Variants in FHAD1 observed in about 807,000 individuals in gnomAD.
FHAD1 encodes the protein forkhead-associated domain-containing protein 1.
A neutral mutation model predicts 191.3 loss-of-function variants in FHAD1; 146 were observed. That is an observed-to-expected ratio of 0.76 (90% confidence interval 0.67 to 0.88). The LOEUF (loss-of-function observed/expected upper bound fraction) is 0.88. Ranked by LOEUF, FHAD1 falls within the 40% of genes least tolerant of loss-of-function variation. The pLI is 0.00. For missense variants in FHAD1, 1,635 were observed against 1,785.8 expected, an observed-to-expected ratio of 0.92 and a Z score of 1.52; for synonymous variants, 616 against 672.3, an observed-to-expected ratio of 0.92 and a Z score of 1.29.
rs1484472582 is a variant in FHAD1 at position 15,289,729 on chromosome 1, G to C, written c.568+63G>C. ...TTCACGGCCATGTGGATGGGTCTTG[G>C]TTTTGGTTTACTTTCTGATTCTAAA... is the stretch of plus-strand genomic sequence containing the variant. On this transcript the variant is annotated intron_variant, in intron 4 of 33. Coordinates refer to ENST00000688493, the MANE Select transcript of FHAD1 (RefSeq NM_001391957.1). This position sits in a 1 kb window ranked among gnomAD's most constrained non-coding sequence, Gnocchi z 4.2. The C allele has an allele frequency of 6.8e-7, 1 of 1,476,230 alleles. No homozygotes were observed. Among genetic ancestry groups the C allele is most frequent in the African/African-American group, 1.4e-5 (1 of 71,016 alleles). 91.4% of individuals were successfully genotyped at this position (1,476,230 alleles called of 1,614,324 possible). A position where few individuals can be genotyped will look rare whatever the true frequency, so the allele number is the denominator to read the frequency against.
intron 16 of FHAD1, 82 bp downstream of exon 16, chr1:15,341,970 A>G (rs1465258960): frequency 7.9e-7 from 1 of 1,258,600 alleles, no homozygotes; most frequent in African/African-American, 1.5e-5. Context: ...GCATGTACTT[A>G]GACAGAGAAA....
chr1:15,392,682 T>C (rs1243121822), intron 33 of FHAD1, among the ~76,000 whole-genome samples: 1 of 152,182 alleles, frequency 6.6e-6, no homozygotes, highest in East Asian at 1.9e-4. Context: ...CAGGCTTGCT[T>C]GCTCATAAAA....
chr1:15,249,402 A>G (rs1391231042), intron 1 of FHAD1, among the ~76,000 whole-genome samples: 1 of 152,060 alleles, frequency 6.6e-6, no homozygotes, highest in Admixed American at 6.5e-5. Context: ...GATTACTTTT[A>G]CTTTAGTTTG....
chr1:15,292,914 A>AC (rs1665390031), intron 4 of FHAD1, among the ~76,000 whole-genome samples: 1 of 152,164 alleles, frequency 6.6e-6, no homozygotes, highest in African/African-American at 2.4e-5. Flanking sequence ...ACACAGCAAG[A>AC]CCCCATCTCT....
intron 25 of FHAD1, among the ~76,000 whole-genome samples, chr1:15,367,944 C>T (rs1696983078): frequency 1.3e-5 from 2 of 152,112 alleles, no homozygotes; most frequent in South Asian, 4.1e-4. Context: ...AGCAAGGCTA[C>T]CTTTGCCTGT....
rs187148325 is a variant in FHAD1, at chr1:15,388,157, G to A, written c.4269+26G>A. 96 of 1,261,240 alleles carry A rather than the reference G, an allele frequency of 7.6e-5. No homozygotes were observed. The Middle Eastern group carries it at 1.2e-3, about 15-fold the overall frequency. The allele number at this position is 1,261,240 out of a possible 1,614,324, so 78.1% of individuals were successfully genotyped here. A position where few individuals can be genotyped will look rare whatever the true frequency, so the allele number is the denominator to read the frequency against. ...GTATGGGAGGTGTTCTGATGTTGCA[G>A]ACACAGAGTAGAGACAGTCTCAACT... On this transcript the variant is annotated intron_variant, in intron 32 of 33. Coordinates refer to ENST00000688493, the MANE Select transcript of FHAD1 (RefSeq NM_001391957.1).
At chr1:15,263,683 A>G (rs10927752) in intron 2 of FHAD1, among the ~76,000 whole-genome samples, 92,621 of 151,692 alleles carry the variant, frequency 0.61, 28,950 homozygotes, top group East Asian at 0.83. Context: ...CACCACGCCC[A>G]ACTAATTTTT....
At chr1:15,341,973 C>T (rs1686887050) in intron 16 of FHAD1, 85 bp downstream of exon 16, 3 of 1,218,210 alleles carry the variant, frequency 2.5e-6, no homozygotes, top group African/African-American at 1.5e-5. Flanking sequence ...TGTACTTAGA[C>T]AGAGAAATCT....
At chr1:15,271,788 G>A (rs1359940954) in intron 2 of FHAD1, among the ~76,000 whole-genome samples, 1 of 152,128 alleles carries the variant, frequency 6.6e-6, no homozygotes, top group African/African-American at 2.4e-5. Context: ...ACTGGTGAGG[G>A]TGGGATTATA....
chr1:15,251,835 T>G lies in FHAD1; in HGVS notation c.51T>G (p.Ser17Arg), dbSNP rs1211208083. Residue 17 changes from serine (S) to arginine (R), a missense_variant, in exon 2 of 34, where the codon AGT becomes AGG. Transcript: ENST00000688493. ...AAGGCTTTTTTGTCCTAAATAAAAGTACCACAATTGGAAGGCATGAAAATT... is the reference window on the plus strand; with the variant it reads ...AAGGCTTTTTTGTCCTAAATAAAAGGACCACAATTGGAAGGCATGAAAATT... ...SAEGFFVLNK[S>R]TTIGRHENSD... 1.3e-6 allele frequency: 2 copies of G among 1,552,352 alleles called. No homozygotes were observed. The highest frequency in any genetic ancestry group is 3.9e-5 in the Admixed American group (2 of 51,006).
intron 27 of FHAD1, 67 bp downstream of exon 27, chr1:15,374,698 G>C (rs1284303047): frequency 6.5e-7 from 1 of 1,531,970 alleles, no homozygotes; most frequent in Non-Finnish European, 8.8e-7. Context: ...GGACTGACCA[G>C]TTTGCCAGGA....
At chr1:15,244,630 A>T (rs1339042343), upstream of FHAD1, among the ~76,000 whole-genome samples, 2 of 152,172 alleles carry the variant, frequency 1.3e-5, no homozygotes, top group Non-Finnish European at 2.9e-5. This position sits in a 1 kb window ranked among gnomAD's most constrained non-coding sequence, Gnocchi z 5.1. Flanking sequence ...GGGCTTCAGA[A>T]GGGTGGCAGG....
chr1:15,273,721 C>T (rs10803375), intron 3 of FHAD1, among the ~76,000 whole-genome samples: 101,991 of 152,034 alleles, frequency 0.67, 34,678 homozygotes, highest in East Asian at 0.95. Flanking sequence ...ATGTTTTAAA[C>T]TGTGGTAAAA....
intron 5 of FHAD1, among the ~76,000 whole-genome samples, chr1:15,297,794 A>C (rs1427754117): frequency 1.3e-5 from 2 of 151,962 alleles, no homozygotes. Context: ...ACCTGGAATT[A>C]GTTTTTTTGC....
At chr1:15,295,052 CT>C (rs1456434428) in intron 4 of FHAD1, among the ~76,000 whole-genome samples, 12 of 152,166 alleles carry the variant, frequency 7.9e-5, no homozygotes, top group Admixed American at 3.3e-4. Flanking sequence ...GACCCTAACA[CT>C]GGTATCCTAC....
intron 2 of FHAD1, among the ~76,000 whole-genome samples, chr1:15,269,631 T>C (rs1655035930): frequency 6.6e-6 from 1 of 152,170 alleles, no homozygotes; most frequent in Admixed American, 6.5e-5. Context: ...ACGTGCACCT[T>C]GTTGTTGTTG....
At chr1:15,286,122 A>G (rs531990649) in intron 3 of FHAD1, among the ~76,000 whole-genome samples, 2 of 152,240 alleles carry the variant, frequency 1.3e-5, no homozygotes, top group African/African-American at 2.4e-5. Flanking sequence ...GATCTGTTTC[A>G]CAGCCATTAG....
chr1:15,275,566 G>C (rs933934645), intron 3 of FHAD1, among the ~76,000 whole-genome samples: 2 of 152,200 alleles, frequency 1.3e-5, no homozygotes, highest in African/African-American at 4.8e-5. Context: ...CTTCCTCTTA[G>C]TGACAAAGGG....
chr1:15,241,702 T>C (rs1353120473), intron 1 of FHAD1, among the ~76,000 whole-genome samples: 1 of 151,804 alleles, frequency 6.6e-6, no homozygotes, highest in Non-Finnish European at 1.5e-5. Context: ...AACGAATCTA[T>C]GACATTAGCA....
Sources: allele counts gnomAD v4.1 joint callset (sites outside exome capture counted in the v4.1 genomes callset), GRCh38; gene constraint gnomAD v4.1.1; non-coding constraint Gnocchi (gnomAD v3.1); transcripts MANE v1.5; gene names NCBI Gene and HGNC (gene_info 2026-07-23, HGNC 2026-07-21).